CREBBP: variants seen among roughly 807,000 people sequenced by gnomAD.
The protein encoded by CREBBP is CREB-binding protein.
CREBBP carries 19 observed loss-of-function variants against 265.0 expected under a neutral mutation model. The observed-to-expected ratio is 0.07, with a 90% CI of 0.05 to 0.11. The LOEUF is 0.11. CREBBP is among the 10% of genes least tolerant of loss of function. The probability of loss-of-function intolerance (pLI) is 1.00; values close to 1 mark genes in which losing one functional copy is unlikely to be tolerated. For synonymous variants in CREBBP, 1,457 were observed against 1,223.7 expected, an observed-to-expected ratio of 1.19 and a Z score of -3.98; for missense variants, 2,525 against 3,219.0, an observed-to-expected ratio of 0.78 and a Z score of 5.22.
chr16:3,838,325 C>A (rs560118734), intron 2 of CREBBP, among the ~76,000 whole-genome samples: 38 of 152,250 alleles, frequency 2.5e-4, no homozygotes, highest in African/African-American at 8.9e-4. Context: ...AGGTGTGTAA[C>A]AGGCTATGCC....
intron 28 of CREBBP, among the ~76,000 whole-genome samples, chr16:3,732,675 T>C (rs549947250): frequency 6.6e-6 from 1 of 152,196 alleles, no homozygotes; most frequent in East Asian, 1.9e-4. Flanking sequence ...TAGCTGGGAT[T>C]ATAGGCACCC....
chr16:3,773,680 A>G (rs1253887416), intron 13 of CREBBP, 71 bp downstream of exon 13: 1 of 1,459,208 alleles, frequency 6.9e-7, no homozygotes, highest in Non-Finnish European at 9.4e-7. Flanking sequence ...AGGAAGACAG[A>G]AAAAAAAAAC....
intron 2 of CREBBP, 142 bp from the exon 3 acceptor site, chr16:3,810,921 A>G: frequency 1.2e-6 from 1 of 827,728 alleles, no homozygotes; most frequent in Non-Finnish European, 2.0e-6. Context: ...ACATGCTCCA[A>G]GCAGAAGGCT....
At chr16:3,808,880 G>A (rs1198653809) in intron 3 of CREBBP, among the ~76,000 whole-genome samples, 1 of 152,160 alleles carries the variant, frequency 6.6e-6, no homozygotes, top group Non-Finnish European at 1.5e-5. Context: ...TTTCGGTGAG[G>A]ACTGGAAAAG....
intron 16 of CREBBP, among the ~76,000 whole-genome samples, chr16:3,759,872 T>C (rs1483437306): frequency 1.3e-5 from 2 of 152,114 alleles, no homozygotes; most frequent in Non-Finnish European, 2.9e-5. Flanking sequence ...GCCAAATACA[T>C]TCAAGATGGT....
intron 26 of CREBBP, among the ~76,000 whole-genome samples, chr16:3,737,407 G>C (rs773357764): frequency 2.0e-5 from 3 of 151,914 alleles, no homozygotes; most frequent in Admixed American, 1.3e-4. Flanking sequence ...GCCTGGGGCA[G>C]GGAAGGTTTA....
intron 2 of CREBBP, among the ~76,000 whole-genome samples, chr16:3,814,553 G>A (rs189884550): frequency 6.6e-6 from 1 of 152,130 alleles, no homozygotes; most frequent in East Asian, 1.9e-4. Flanking sequence ...CACCACGCCT[G>A]GCCATAACTG....
chr16:3,763,171 T>G (rs2052764468), intron 16 of CREBBP, among the ~76,000 whole-genome samples: 1 of 151,354 alleles, frequency 6.6e-6, no homozygotes, highest in South Asian at 2.1e-4. Flanking sequence ...GAAACCAATT[T>G]TTTTTTTTTT....
chr16:3,868,945 G>C, intron 1 of CREBBP, among the ~76,000 whole-genome samples: 1 of 152,098 alleles, frequency 6.6e-6, no homozygotes, highest in East Asian at 1.9e-4. Context: ...ACCAACCCCC[G>C]CAGGGCAGAA....
rs747187975 is a variant in CREBBP at position 3,781,295 on chromosome 16, T to A, written c.1585A>T (p.Met529Leu). 1 of 1,613,550 alleles carries A rather than the reference T, an allele frequency of 6.2e-7. No individual in the cohort carries two copies. The highest frequency in any genetic ancestry group is 1.7e-5 in the Admixed American group (1 of 60,006). ...RTLNPLGNNP[M>L]NIPAGGITTD... Reference sequence around the variant, plus strand: ...GTTATTCCTCCTGCTGGAATGTTCATTGGATTATTTCCTTTAAAGACAGAA... The same window carrying A: ...GTTATTCCTCCTGCTGGAATGTTCAATGGATTATTTCCTTTAAAGACAGAA... Residue 529 changes from methionine to leucine, a missense_variant, in exon 7 of 31, where the codon ATG becomes TTG. Physicochemically the swap from Met to Leu is conservative, Grantham distance 15 (BLOSUM62 2). Coordinates refer to ENST00000262367, the MANE Select transcript of CREBBP (RefSeq NM_004380.3).
intron 20 of CREBBP, among the ~76,000 whole-genome samples, chr16:3,750,312 T>C (rs924933315): frequency 1.1e-4 from 17 of 152,180 alleles, no homozygotes; most frequent in African/African-American, 3.9e-4. Flanking sequence ...TTTGGTTTGT[T>C]TGTCTTACAA....
rs1225470937 is a variant in CREBBP at position 3,731,867 on chromosome 16, A to C, written c.4799T>G (p.Ile1600Ser). Reference sequence around the variant, plus strand: ...GGGCTTCTTCTTGTTGGCGCGGCTGATGCTGCTTTTGTTCTTGTTGGTTTT... The same window carrying C: ...GGGCTTCTTCTTGTTGGCGCGGCTGCTGCTGCTTTTGTTCTTGTTGGTTTT... The part of the protein sequence containing the change: ...NKKTNKNKSS[I>S]SRANKKKPSM... Residue 1600 changes from isoleucine to serine, a missense_variant, in exon 29 of 31, where the codon ATC becomes AGC. By Grantham distance (142) the Ile-to-Ser change is moderately radical. Transcript: ENST00000262367. This position sits in a 1 kb window ranked among gnomAD's most constrained non-coding sequence, Gnocchi z 7.7. 1.2e-6 allele frequency: 2 copies of C among 1,614,222 alleles called. No homozygotes were observed. Among genetic ancestry groups the C allele is most frequent in the East Asian group, 2.2e-5 (1 of 44,880 alleles).
intron 2 of CREBBP, chr16:3,813,195 T>A (rs1202808697): frequency 4.4e-6 from 1 of 228,308 alleles, no homozygotes; most frequent in African/African-American, 2.2e-5. Flanking sequence ...CATACGCAGG[T>A]GATTTCCTTC....
intron 2 of CREBBP, among the ~76,000 whole-genome samples, chr16:3,848,842 G>A (rs1160759459): frequency 6.6e-6 from 1 of 152,014 alleles, no homozygotes; most frequent in Non-Finnish European, 1.5e-5. Context: ...AAAATGCCAG[G>A]TACAAGTAAA....
chr16:3,815,701 G>A (rs2141364398), intron 2 of CREBBP, among the ~76,000 whole-genome samples: 1 of 151,632 alleles, frequency 6.6e-6, no homozygotes, highest in African/African-American at 2.4e-5. Flanking sequence ...ATATTTATGG[G>A]TTACATGAGT....
At chr16:3,748,668 G>T (rs950445700) in intron 21 of CREBBP, among the ~76,000 whole-genome samples, 1 of 152,192 alleles carries the variant, frequency 6.6e-6, no homozygotes, top group Non-Finnish European at 1.5e-5. Context: ...AACGCTCCTG[G>T]AGCCTGTGCT....
Position 3,734,932 on chromosome 16 carries a change from C to T in CREBBP, c.4728+1104G>A, listed in dbSNP as rs112118032. On this transcript the variant is annotated intron_variant, in intron 28 of 30. Transcript: ENST00000262367. ...CTGCCTCACCCATGGCAGCAGCCCA[C>T]GCAAGAGCCACCTCCATTCACCGCT... is the stretch of plus-strand genomic sequence containing the variant. 9.2e-5 allele frequency among the ~76,000 whole-genome samples: 14 copies of T among 152,306 alleles called. No individual in the cohort carries two copies. In the East Asian group the frequency reaches 1.4e-3, roughly 15 times the overall value.
At chr16:3,759,086 G>A (rs2052650606) in intron 16 of CREBBP, 114 bp from the exon 17 acceptor site, 1 of 805,032 alleles carries the variant, frequency 1.2e-6, no homozygotes, top group Non-Finnish European at 2.2e-6. Context: ...ATGCTCCTAA[G>A]GCACTCGAGG....
intron 16 of CREBBP, among the ~76,000 whole-genome samples, chr16:3,764,046 C>G (rs1438779831): frequency 6.6e-6 from 1 of 152,078 alleles, no homozygotes; most frequent in Non-Finnish European, 1.5e-5. Context: ...GCCAACATCA[C>G]CAAACTCTAC....
Sources: allele counts gnomAD v4.1 joint callset (sites outside exome capture counted in the v4.1 genomes callset), GRCh38; gene constraint gnomAD v4.1.1; non-coding constraint Gnocchi (gnomAD v3.1); transcripts MANE v1.5; gene names NCBI Gene and HGNC (gene_info 2026-07-23, HGNC 2026-07-21).